SLC24A2: variants seen among roughly 807,000 people sequenced by gnomAD.
SLC24A2 encodes solute carrier family 24 member 2.
In SLC24A2, 36 loss-of-function variants were observed where a neutral mutation model predicts 62.0. That is an observed-to-expected ratio of 0.58 (90% CI 0.44 to 0.77). The LOEUF (loss-of-function observed/expected upper bound fraction) is 0.77, where lower values mean the gene tolerates loss of function less well. Among genes scored for constraint, SLC24A2 ranks in the 30% least tolerant of loss-of-function variants. The probability of loss-of-function intolerance (pLI) is 0.00; values close to 1 mark genes in which losing one functional copy is unlikely to be tolerated. For synonymous variants in SLC24A2, 358 were observed against 294.0 expected (o/e 1.22, Z -2.23); for missense variants, 846 against 817.9 (o/e 1.03, Z -0.42).
At chr9:19,753,591 G>A (rs886698529) in intron 2 of SLC24A2, among the ~76,000 whole-genome samples, 1 of 152,112 alleles carries the variant, frequency 6.6e-6, no homozygotes, top group Admixed American at 6.5e-5. Flanking sequence ...ATTACTGTGA[G>A]CAGTAGTATC....
At chr9:19,990,141 T>C in the SLC24A2 span, among the ~76,000 whole-genome samples, 1 of 152,182 alleles carries the variant, frequency 6.6e-6, no homozygotes, top group African/African-American at 2.4e-5. Context: ...CATTTAATCA[T>C]CACCATAATC....
At chr9:19,706,295 T>C (rs1201575046) in intron 2 of SLC24A2, among the ~76,000 whole-genome samples, 3 of 152,034 alleles carry the variant, frequency 2.0e-5, no homozygotes, top group African/African-American at 7.2e-5. Context: ...GGTAGATCTT[T>C]CTCCATCCTT....
chr9:19,573,463 A>T lies in SLC24A2; in HGVS notation c.1235T>A (p.Ile412Asn), dbSNP rs200582671. 8 of 1,588,666 alleles carry T rather than the reference A, an allele frequency of 5.0e-6. No homozygotes were observed. The highest frequency in any genetic ancestry group is 2.7e-5 in the African/African-American group (2 of 73,242). Reference sequence around the variant, plus strand: ...TGTGCTGGTGCTGTTTGGAAGCTCAATTTTTTCTGTGATATAATTTAAACA... The same window carrying T: ...TGTGCTGGTGCTGTTTGGAAGCTCATTTTTTTCTGTGATATAATTTAAACA... The part of the protein sequence containing the change: ...QNGAANHVEK[I>N]ELPNSTSTDV... The change falls in exon 7 of 11, where the codon ATT becomes AAT. Residue 412 changes from isoleucine (I) to asparagine (N), a missense_variant. Transcript: ENST00000341998.
At chr9:19,820,761 TAA>T in the SLC24A2 span, among the ~76,000 whole-genome samples, 1 of 151,798 alleles carries the variant, frequency 6.6e-6, no homozygotes, top group Non-Finnish European at 1.5e-5. Flanking sequence ...CATTGCTGAG[TAA>T]AGTTTATGTG....
chr9:20,062,379 C>T, the SLC24A2 span, among the ~76,000 whole-genome samples: 5 of 118,676 alleles, frequency 4.2e-5, no homozygotes, highest in Non-Finnish European at 8.2e-5. Flanking sequence ...CTGAGAAAAA[C>T]AAGCAATGGG....
the SLC24A2 span, among the ~76,000 whole-genome samples, chr9:20,118,252 C>T: frequency 6.6e-6 from 1 of 152,130 alleles, no homozygotes; most frequent in African/African-American, 2.4e-5. Context: ...CCAACTGCCA[C>T]TACCAGTATG....
At chr9:19,577,413 C>T (rs1836051442) in intron 5 of SLC24A2, among the ~76,000 whole-genome samples, 1 of 152,164 alleles carries the variant, frequency 6.6e-6, no homozygotes, top group South Asian at 2.1e-4. Context: ...AAGCCAAGCC[C>T]AGGGGTCCTC....
chr9:19,736,403 C>T (rs565215388), intron 2 of SLC24A2, among the ~76,000 whole-genome samples: 13 of 152,216 alleles, frequency 8.5e-5, no homozygotes, highest in African/African-American at 3.1e-4. Context: ...TCACCTGCAG[C>T]TTACAAGAGA....
At chr9:20,040,278 A>T in the SLC24A2 span, among the ~76,000 whole-genome samples, 1 of 152,254 alleles carries the variant, frequency 6.6e-6, no homozygotes, top group Admixed American at 6.5e-5. Flanking sequence ...TGTAATAAAT[A>T]GAACAAAAAT....
At chr9:19,812,593 T>C in the SLC24A2 span, among the ~76,000 whole-genome samples, 29 of 152,314 alleles carry the variant, frequency 1.9e-4, no homozygotes, top group South Asian at 4.6e-3. Flanking sequence ...AATCTTGCCA[T>C]TTAAAAATCT....
At chr9:20,209,699 G>C in the SLC24A2 span, among the ~76,000 whole-genome samples, 1 of 152,100 alleles carries the variant, frequency 6.6e-6, no homozygotes, top group Admixed American at 6.5e-5. Flanking sequence ...AAAGCATGAA[G>C]TAATCACAGA....
chr9:19,573,939 G>A lies in SLC24A2; in HGVS notation c.1229-470C>T, dbSNP rs1835932021. On this transcript the variant is annotated intron_variant, in intron 6 of 10. Transcript: ENST00000341998. ...TGTACCCTTCAGATATTTTCTTACA[G>A]TAATATCGTTTCTTTGATACTGTAC... Among the ~76,000 whole-genome samples, 3 of 152,276 alleles carry A rather than the reference G, an allele frequency of 2.0e-5. No individual in the cohort carries two copies. In the South Asian group the frequency reaches 6.2e-4, roughly 32 times the overall value.
At chr9:19,592,490 CTA>C (rs1491403676) in intron 5 of SLC24A2, among the ~76,000 whole-genome samples, 141 of 8,732 alleles carry the variant, frequency 0.016, no homozygotes, top group African/African-American at 0.036. Context: ...ACCTACCTAC[CTA>C]CCCACCTACC....
chr9:19,864,774 G>A, the SLC24A2 span, among the ~76,000 whole-genome samples: 1 of 152,028 alleles, frequency 6.6e-6, no homozygotes, highest in African/African-American at 2.4e-5. Context: ...GTAAGATCTA[G>A]AACATGACAA....
At chr9:20,234,221 C>T in the SLC24A2 span, among the ~76,000 whole-genome samples, 1,547 of 152,124 alleles carry the variant, frequency 0.01, 26 homozygotes, top group African/African-American at 0.034. Context: ...TTGCTCTTCT[C>T]GAGGAGTATC....
chr9:20,016,609 C>T, the SLC24A2 span, among the ~76,000 whole-genome samples: 1 of 152,174 alleles, frequency 6.6e-6, no homozygotes, highest in Non-Finnish European at 1.5e-5. Flanking sequence ...TTATTTTACT[C>T]TTCAACTAAA....
chr9:19,720,351 T>C (rs1335620656), intron 2 of SLC24A2, among the ~76,000 whole-genome samples: 1 of 152,204 alleles, frequency 6.6e-6, no homozygotes, highest in African/African-American at 2.4e-5. Context: ...TTTGGGGACA[T>C]CACTTTGACT....
intron 2 of SLC24A2, among the ~76,000 whole-genome samples, chr9:19,728,395 G>A (rs1373299864): frequency 6.6e-6 from 1 of 152,082 alleles, no homozygotes; most frequent in East Asian, 1.9e-4. Context: ...AGGCAAATGG[G>A]CATTAAGGGG....
intron 5 of SLC24A2, among the ~76,000 whole-genome samples, chr9:19,579,048 T>C (rs1352326834): frequency 6.6e-6 from 1 of 152,094 alleles, no homozygotes. Context: ...GATGAGGTGA[T>C]AGGCACGACT....
Sources: gnomAD v4.1 joint callset for allele counts (sites outside exome capture counted in the v4.1 genomes callset) on GRCh38, gnomAD v4.1.1 for gene constraint, MANE v1.5 for transcripts, NCBI Gene and HGNC (gene_info 2026-07-23, HGNC 2026-07-21) for gene names.